Variants in ATP10A observed in about 807,000 individuals in gnomAD.
ATP10A encodes the protein phospholipid-transporting ATPase VA.
Under a neutral mutation model 147.8 loss-of-function variants are expected in ATP10A, and 111 were observed. That is an observed-to-expected ratio of 0.75 (90% CI 0.64 to 0.88). The LOEUF is 0.88. Among genes scored for constraint, ATP10A ranks in the 40% least tolerant of loss-of-function variants. The pLI is 0.00. For synonymous variants in ATP10A, 875 were observed against 841.6 expected, an observed-to-expected ratio of 1.04 and a Z score of -0.69; for missense variants, 1,927 against 1,959.0, an observed-to-expected ratio of 0.98 and a Z score of 0.31.
At chr15:25,861,564 G>A (rs1041657651) in intron 1 of ATP10A, among the ~76,000 whole-genome samples, 2 of 152,182 alleles carry the variant, frequency 1.3e-5, no homozygotes. Flanking sequence ...GAATGCCTAC[G>A]TTTAAGAGGC....
chr15:25,702,924 G>A lies in ATP10A; in HGVS notation c.2576-824C>T, dbSNP rs546015485. Among the ~76,000 whole-genome samples the A allele has an allele frequency of 7.0e-4, 107 of 152,166 alleles. 1 individual carries two copies. Among genetic ancestry groups the A allele is most frequent in the Non-Finnish European group, 4.4e-4 (30 of 68,010 alleles). ...GCTGGGATGCTGCTATGGACTGAGCGTTTGTGTCCCCCAGATCCATAGGAG... is the reference window on the plus strand; with the variant it reads ...GCTGGGATGCTGCTATGGACTGAGCATTTGTGTCCCCCAGATCCATAGGAG... On this transcript the variant is annotated intron_variant, in intron 12 of 20. Transcript: ENST00000555815.
At position 25,708,411 on chromosome 15, in the gene ATP10A, A is replaced by C. The variant is rs1236429404; in HGVS notation, c.2345-111T>G. 9.3e-6 allele frequency: 8 copies of C among 859,670 alleles called. 1 individual carries two copies. The Admixed American group carries it at 2.0e-4, about 21-fold the overall frequency. 53.3% of individuals were successfully genotyped at this position (859,670 alleles called of 1,614,324 possible). A position where few individuals can be genotyped will look rare whatever the true frequency, so the allele number is the denominator to read the frequency against. On this transcript the variant is annotated intron_variant, in intron 10 of 20. Transcript: ENST00000555815. ...GTTCGTTACTTGCGAATAGAGCACA[A>C]ATTTTCATATAGAATTCAAAGCAAA...
At chr15:25,817,288 G>A (rs919037450) in intron 1 of ATP10A, among the ~76,000 whole-genome samples, 1 of 152,196 alleles carries the variant, frequency 6.6e-6, no homozygotes, top group African/African-American at 2.4e-5. Context: ...TCACCATGTT[G>A]GTCAGGCTGG....
Position 25,714,074 on chromosome 15 carries a change from G to A in ATP10A, c.1944C>T (p.Asp648=), listed in dbSNP as rs1437414615. The A allele has an allele frequency of 1.2e-6, 2 of 1,613,200 alleles. No individual in the cohort carries two copies. Among genetic ancestry groups the A allele is most frequent in the African/African-American group, 1.3e-5 (1 of 75,078 alleles). ...GSSFPSTPSS[D]GMLLRLEERL... ...TCTCCTCCAGCCTGAGAAGCATGCC[G>A]TCGCTGGACGGGGTGGACGGGAAGC... Residue 648 remains aspartate (D), a synonymous_variant, in exon 10 of 21, where the codon GAC becomes GAT. Coordinates refer to ENST00000555815, the MANE Select transcript of ATP10A (RefSeq NM_024490.4).
chr15:25,820,127 C>T (rs1409999112), intron 1 of ATP10A, among the ~76,000 whole-genome samples: 4 of 151,980 alleles, frequency 2.6e-5, no homozygotes, highest in Admixed American at 6.6e-5. Context: ...AATAGAAATA[C>T]ATATAGATAA....
intron 4 of ATP10A, among the ~76,000 whole-genome samples, chr15:25,726,949 C>T (rs1343829025): frequency 4.0e-5 from 6 of 148,892 alleles, no homozygotes; most frequent in South Asian, 2.1e-4. Context: ...CCCAGCTACT[C>T]GGGAGGCTGA....
In ATP10A at chr15:25,812,494, A is replaced by G. The variant is rs561085022; in HGVS notation, c.450-31271T>C. ...AAGGACGCCCTAAATACACCCACAAACCTTTTCCAAGAACACTTGCATTTG... is the reference window on the plus strand; with the variant it reads ...AAGGACGCCCTAAATACACCCACAAGCCTTTTCCAAGAACACTTGCATTTG... On this transcript the variant is annotated intron_variant, in intron 1 of 20. Coordinates refer to ENST00000555815, the MANE Select transcript of ATP10A (RefSeq NM_024490.4). Among the ~76,000 whole-genome samples the G allele has an allele frequency of 6.6e-5, 10 of 152,266 alleles. No individual in the cohort carries two copies. In the East Asian group the frequency reaches 1.9e-3, roughly 29 times the overall value.
chr15:25,785,207 C>A (rs1890100487), intron 1 of ATP10A, among the ~76,000 whole-genome samples: 1 of 151,914 alleles, frequency 6.6e-6, no homozygotes, highest in Non-Finnish European at 1.5e-5. Flanking sequence ...AACTGTGTCC[C>A]CCGAGAGACT....
At chr15:25,714,362 G>GGAAGCGA in intron 9 of ATP10A, 121 bp from the exon 10 acceptor site, 1 of 844,092 alleles carries the variant, frequency 1.2e-6, no homozygotes, top group Non-Finnish European at 1.8e-6. Flanking sequence ...TCCCCACTGG[G>GGAAGCGA]GTCTCAGAGC....
At chr15:25,734,376 C>G (rs4627308) in intron 3 of ATP10A, among the ~76,000 whole-genome samples, 1 of 152,010 alleles carries the variant, frequency 6.6e-6, no homozygotes, top group Non-Finnish European at 1.5e-5. Context: ...GAGTTGGCAC[C>G]GTAAAATTAT....
intron 6 of ATP10A, among the ~76,000 whole-genome samples, chr15:25,722,205 A>C (rs954356569): frequency 3.9e-5 from 6 of 152,126 alleles, no homozygotes; most frequent in African/African-American, 1.4e-4. Flanking sequence ...TGCTTGAGAG[A>C]AGCTAGGACA....
intron 1 of ATP10A, among the ~76,000 whole-genome samples, chr15:25,835,657 G>T (rs1387119251): frequency 6.6e-6 from 1 of 152,072 alleles, no homozygotes; most frequent in African/African-American, 2.4e-5. Context: ...TTAAGAGACT[G>T]GGTCATATTC....
At chr15:25,832,694 G>A (rs1365784791) in intron 1 of ATP10A, among the ~76,000 whole-genome samples, 1 of 152,028 alleles carries the variant, frequency 6.6e-6, no homozygotes, top group Non-Finnish European at 1.5e-5. Flanking sequence ...AATGAAAAGA[G>A]TATGTTACTG....
intron 1 of ATP10A, among the ~76,000 whole-genome samples, chr15:25,797,348 A>C (rs1197642039): frequency 6.6e-6 from 1 of 152,228 alleles, no homozygotes; most frequent in Non-Finnish European, 1.5e-5. Context: ...TGTCTTTGTG[A>C]ATAAGGACTC....
chr15:25,772,982 T>A (rs184160446), intron 2 of ATP10A, among the ~76,000 whole-genome samples: 1 of 152,322 alleles, frequency 6.6e-6, no homozygotes, highest in East Asian at 1.9e-4. Flanking sequence ...CACGGATTAT[T>A]CATTAGCAAT....
chr15:25,730,827 C>G (rs1164182452), intron 3 of ATP10A, among the ~76,000 whole-genome samples: 1 of 152,014 alleles, frequency 6.6e-6, no homozygotes, highest in Non-Finnish European at 1.5e-5. Flanking sequence ...TCATATCTAA[C>G]AAAAGTAAGT....
chr15:25,677,383 A>G (rs1056757367), downstream of ATP10A: 2 of 152,266 alleles, frequency 1.3e-5, no homozygotes, highest in East Asian at 3.9e-4. Context: ...TGTGGGATGC[A>G]TATTCCTGAA....
chr15:25,774,465 T>G (rs1214309169), intron 2 of ATP10A, among the ~76,000 whole-genome samples: 2 of 151,980 alleles, frequency 1.3e-5, no homozygotes, highest in East Asian at 3.9e-4. Context: ...TCCCAGCTAC[T>G]TGGGAGGCTG....
At chr15:25,738,812 C>T (rs988783082) in intron 2 of ATP10A, among the ~76,000 whole-genome samples, 4 of 152,158 alleles carry the variant, frequency 2.6e-5, no homozygotes, top group Non-Finnish European at 4.4e-5. Context: ...AGGCATTGTG[C>T]TAAGTGCCCT....
Sources: gnomAD v4.1 joint callset for allele counts (sites outside exome capture counted in the v4.1 genomes callset) on GRCh38, gnomAD v4.1.1 for gene constraint, MANE v1.5 for transcripts, NCBI Gene and HGNC (gene_info 2026-07-23, HGNC 2026-07-21) for gene names.